TTLL7: variants seen among roughly 807,000 people sequenced by gnomAD.
TTLL7 encodes tubulin tyrosine ligase like 7.
In TTLL7, 53 loss-of-function variants were observed where a neutral mutation model predicts 120.2. The ratio of observed to expected loss-of-function variants is 0.44; its 90% CI spans 0.35 to 0.55. The LOEUF is 0.55. Ranked by LOEUF, TTLL7 falls within the 20% of genes least tolerant of loss-of-function variation. The probability of loss-of-function intolerance (pLI) is 0.00; values close to 1 mark genes in which losing one functional copy is unlikely to be tolerated. For missense variants in TTLL7, 803 were observed against 1,054.7 expected (o/e 0.76, Z 3.31); for synonymous variants, 353 against 351.7 (o/e 1.00, Z -0.04).
intron 13 of TTLL7, among the ~76,000 whole-genome samples, chr1:83,917,909 T>G (rs1658329251): frequency 6.6e-6 from 1 of 152,160 alleles, no homozygotes; most frequent in Non-Finnish European, 1.5e-5. Flanking sequence ...AAATCTATTC[T>G]GTATTAATTA....
chr1:83,900,606 C>A (rs1656637843), intron 18 of TTLL7, among the ~76,000 whole-genome samples: 2 of 151,922 alleles, frequency 1.3e-5, no homozygotes, highest in Admixed American at 6.6e-5. Context: ...TACCTCAACA[C>A]AAAACAAACG....
chr1:83,948,749 G>T, intron 4 of TTLL7, 54 bp from the exon 5 acceptor site: 3 of 1,243,606 alleles, frequency 2.4e-6, no homozygotes, highest in Non-Finnish European at 3.5e-6. Flanking sequence ...TTATATTCAT[G>T]TATACGACAA....
At chr1:83,967,235 A>G (rs1302802955) in intron 1 of TTLL7, among the ~76,000 whole-genome samples, 1 of 152,128 alleles carries the variant, frequency 6.6e-6, no homozygotes, top group Non-Finnish European at 1.5e-5. Flanking sequence ...TTTTTAAAAA[A>G]GAAGTTAATT....
chr1:83,912,778 T>C (rs1473617471), intron 14 of TTLL7, among the ~76,000 whole-genome samples: 1 of 152,190 alleles, frequency 6.6e-6, no homozygotes. Context: ...TAAAAGCATG[T>C]GCTCCTTCTG....
chr1:83,986,980 T>C (rs753418336), intron 1 of TTLL7, among the ~76,000 whole-genome samples: 3 of 152,186 alleles, frequency 2.0e-5, no homozygotes, highest in African/African-American at 4.8e-5. Context: ...ACTGTCTCTA[T>C]TTTCTGATGA....
chr1:83,919,552 A>C (rs2100791866), intron 13 of TTLL7, 147 bp downstream of exon 13: 1 of 687,138 alleles, frequency 1.5e-6, no homozygotes, highest in Admixed American at 3.6e-5. Context: ...TCATCATGAA[A>C]TGTTACCAAC....
chr1:83,961,032 A>G (rs998517455), intron 1 of TTLL7, among the ~76,000 whole-genome samples: 2 of 152,110 alleles, frequency 1.3e-5, no homozygotes, highest in South Asian at 2.1e-4. Context: ...GCCAAGTATG[A>G]TATTATGTAA....
Position 83,952,238 on chromosome 1 carries a change from T to G in TTLL7, c.-27A>C. On this transcript the variant is annotated 5_prime_UTR_variant, in exon 2 of 21. Coordinates refer to ENST00000260505, the MANE Select transcript of TTLL7 (RefSeq NM_024686.6). ...ATTGCCTGTGCTGATTAGCAAGCAG[T>G]GTGTGCTGCTGTACCAAGCTCTCAG... 1 of 1,613,590 alleles carries G rather than the reference T, an allele frequency of 6.2e-7. No individual in the cohort carries two copies. The highest frequency in any genetic ancestry group is 8.5e-7 in the Non-Finnish European group (1 of 1,179,684).
intron 8 of TTLL7, 131 bp from the exon 9 acceptor site, chr1:83,933,897 GCT>G: frequency 1.3e-6 from 1 of 761,630 alleles, no homozygotes; most frequent in Non-Finnish European, 2.1e-6. Context: ...CCCTGCCACT[GCT>G]CTGACTTCAT....
At chr1:83,874,215 A>T (rs76436292) in intron 20 of TTLL7, among the ~76,000 whole-genome samples, 6,354 of 152,158 alleles carry the variant, frequency 0.042, 159 homozygotes, top group Middle Eastern at 0.099. Context: ...TGCCTCATAT[A>T]AATGGAATCA....
At chr1:83,950,104 AC>A in intron 3 of TTLL7, 118 bp from the exon 4 acceptor site, 1 of 897,282 alleles carries the variant, frequency 1.1e-6, no homozygotes, top group Non-Finnish European at 1.6e-6. Flanking sequence ...AATATTAGTT[AC>A]AGCCTAACCT....
chr1:83,953,099 T>C (rs1373281639), intron 1 of TTLL7, among the ~76,000 whole-genome samples: 2 of 152,184 alleles, frequency 1.3e-5, no homozygotes, highest in South Asian at 4.1e-4. Flanking sequence ...GGTGGGGTCA[T>C]TATTATGATG....
At chr1:83,959,051 GT>G (rs1249448329) in intron 1 of TTLL7, among the ~76,000 whole-genome samples, 3 of 152,110 alleles carry the variant, frequency 2.0e-5, no homozygotes, top group Admixed American at 2.0e-4. Context: ...AAAAATTCAT[GT>G]AGGTGATTGT....
chr1:83,871,590 T>C (rs1450335475), intron 20 of TTLL7, among the ~76,000 whole-genome samples: 1 of 152,076 alleles, frequency 6.6e-6, no homozygotes, highest in African/African-American at 2.4e-5. Flanking sequence ...TTTCTTCACT[T>C]GACATTAGAA....
chr1:83,876,544 GAGA>G (rs1374031208), intron 20 of TTLL7, among the ~76,000 whole-genome samples: 18 of 152,030 alleles, frequency 1.2e-4, no homozygotes, highest in African/African-American at 3.9e-4. Context: ...GAAATTATTT[GAGA>G]AGAACTGACA....
chr1:83,986,456 G>A (rs1023017161), intron 1 of TTLL7, among the ~76,000 whole-genome samples: 2 of 152,184 alleles, frequency 1.3e-5, no homozygotes, highest in South Asian at 2.1e-4. Context: ...ACTAAGGACA[G>A]AGAGAAACTT....
intron 1 of TTLL7, among the ~76,000 whole-genome samples, chr1:83,981,878 C>G (rs1010740680): frequency 4.6e-5 from 7 of 151,514 alleles, no homozygotes; most frequent in African/African-American, 1.7e-4. Flanking sequence ...TTCAATACCC[C>G]ATTCTCAGCA....
intron 18 of TTLL7, among the ~76,000 whole-genome samples, chr1:83,892,823 T>C (rs1655814387): frequency 6.6e-6 from 1 of 151,442 alleles, no homozygotes; most frequent in Admixed American, 6.6e-5. Flanking sequence ...AACGCATATG[T>C]GAACATATAT....
At position 83,990,466 on chromosome 1, in the gene TTLL7, C is replaced by T. The variant is rs190770433; in HGVS notation, c.-177+8465G>A. Among the ~76,000 whole-genome samples, 692 of 152,310 alleles carry T rather than the reference C, an allele frequency of 4.5e-3. 10 individuals carry two copies. The highest frequency in any genetic ancestry group is 0.016 in the African/African-American group (660 of 41,556). ...CTGGGATTACAGGCGTGAGCCACCG[C>T]GCCCGGCCTGGATGCCTTTTATTTC... On this transcript the variant is annotated intron_variant, in intron 1 of 20. Coordinates refer to ENST00000260505, the MANE Select transcript of TTLL7 (RefSeq NM_024686.6).
Sources: gnomAD v4.1 joint callset for allele counts (sites outside exome capture counted in the v4.1 genomes callset) on GRCh38, gnomAD v4.1.1 for gene constraint, MANE v1.5 for transcripts, NCBI Gene and HGNC (gene_info 2026-07-23, HGNC 2026-07-21) for gene names.